RNF150: variants seen among roughly 807,000 people sequenced by gnomAD.
RNF150 encodes ring finger protein 150.
A neutral mutation model predicts 39.3 loss-of-function variants in RNF150; 24 were observed. The ratio of observed to expected loss-of-function variants is 0.61; its 90% CI spans 0.44 to 0.86. The LOEUF (loss-of-function observed/expected upper bound fraction) is 0.86, where lower values mean the gene tolerates loss of function less well. RNF150 is among the 40% of genes least tolerant of loss of function. The pLI, the probability that RNF150 is intolerant of heterozygous loss-of-function variation, is 0.00. For synonymous variants in RNF150, 255 were observed against 227.3 expected, an observed-to-expected ratio of 1.12 and a Z score of -1.10; for missense variants, 502 against 587.8, an observed-to-expected ratio of 0.85 and a Z score of 1.51.
chr4:141,041,625 G>A (rs553242141), intron 1 of RNF150, among the ~76,000 whole-genome samples: 63 of 152,102 alleles, frequency 4.1e-4, no homozygotes, highest in African/African-American at 1.5e-3. Flanking sequence ...TCTATGGGCT[G>A]TTTTGCCTAA....
At chr4:141,116,137 C>A (rs975778649) in intron 1 of RNF150, among the ~76,000 whole-genome samples, 17 of 152,114 alleles carry the variant, frequency 1.1e-4, no homozygotes, top group African/African-American at 4.1e-4. Context: ...CCAAAATTGA[C>A]AAATGGAATC....
At chr4:140,942,194 A>G (rs12641734) in intron 4 of RNF150, among the ~76,000 whole-genome samples, 6,412 of 152,272 alleles carry the variant, frequency 0.042, 386 homozygotes, top group East Asian at 0.33. Context: ...AAAAACAAAC[A>G]TCACACATGC....
rs531080573 is a variant in RNF150, at chr4:141,185,161, G to T, written c.-6+27633C>A. Among the ~76,000 whole-genome samples, 4 of 152,272 alleles carry T rather than the reference G, an allele frequency of 2.6e-5. No individual in the cohort carries two copies. In the East Asian group the frequency reaches 7.7e-4, roughly 29 times the overall value. Reference sequence around the variant, plus strand: ...TGATATGGATTCTTCCTGTCCATGAGCATGGAATGTTTTTCCACTTGTTTG... The same window carrying T: ...TGATATGGATTCTTCCTGTCCATGATCATGGAATGTTTTTCCACTTGTTTG... On this transcript the variant is annotated intron_variant, in intron 1 of 7. Transcript: ENST00000420921.
chr4:140,988,248 C>T (rs1015521431), intron 1 of RNF150, among the ~76,000 whole-genome samples: 1 of 152,148 alleles, frequency 6.6e-6, no homozygotes, highest in Admixed American at 6.6e-5. Context: ...AATCCAATTA[C>T]TGGGTATACC....
At chr4:141,162,521 G>A (rs758417166) in intron 1 of RNF150, among the ~76,000 whole-genome samples, 1 of 152,080 alleles carries the variant, frequency 6.6e-6, no homozygotes, top group Non-Finnish European at 1.5e-5. Context: ...TGGCAAGATG[G>A]CTGAATAGGA....
At chr4:140,973,603 A>G (rs1257465825) in intron 1 of RNF150, among the ~76,000 whole-genome samples, 4 of 152,184 alleles carry the variant, frequency 2.6e-5, no homozygotes, top group East Asian at 1.9e-4. Context: ...CATGCCGGGC[A>G]TGGTGGCTCA....
upstream of RNF150, among the ~76,000 whole-genome samples, chr4:141,135,333 G>A (rs1727012278): frequency 1.3e-5 from 2 of 152,178 alleles, no homozygotes; most frequent in South Asian, 4.1e-4. Flanking sequence ...TTTCTAAATA[G>A]CATCCTCCAC....
At chr4:141,154,210 A>C (rs1727346114) in intron 1 of RNF150, among the ~76,000 whole-genome samples, 1 of 152,232 alleles carries the variant, frequency 6.6e-6, no homozygotes. Flanking sequence ...GACATAAAGC[A>C]GAAAGACTCT....
chr4:141,125,618 G>C (rs1041459747), intron 1 of RNF150, among the ~76,000 whole-genome samples: 1 of 152,118 alleles, frequency 6.6e-6, no homozygotes, highest in African/African-American at 2.4e-5. Context: ...TAATGGTTAA[G>C]CAACAATAAC....
At chr4:141,137,513 T>C (rs1578761848), upstream of RNF150, among the ~76,000 whole-genome samples, 1 of 152,276 alleles carries the variant, frequency 6.6e-6, no homozygotes, top group East Asian at 1.9e-4. Flanking sequence ...ACACTACAGT[T>C]TGGAGCCTAA....
At chr4:141,066,651 G>A (rs1737473587) in intron 1 of RNF150, among the ~76,000 whole-genome samples, 1 of 152,104 alleles carries the variant, frequency 6.6e-6, no homozygotes, top group African/African-American at 2.4e-5. Flanking sequence ...TTTTTGCAAA[G>A]CATATTTTCC....
At chr4:141,175,846 TGACA>T (rs1727800176) in intron 1 of RNF150, among the ~76,000 whole-genome samples, 2 of 152,182 alleles carry the variant, frequency 1.3e-5, no homozygotes, top group Admixed American at 6.6e-5. Context: ...TATACTCTTG[TGACA>T]GACAGCAGAG....
intron 1 of RNF150, among the ~76,000 whole-genome samples, chr4:140,995,649 T>C: frequency 6.6e-6 from 1 of 152,170 alleles, no homozygotes; most frequent in South Asian, 2.1e-4. Flanking sequence ...TCTGGAGTTG[T>C]GTCCCGCCTC....
chr4:140,906,657 T>C (rs1194068992), intron 6 of RNF150, among the ~76,000 whole-genome samples: 2 of 152,200 alleles, frequency 1.3e-5, no homozygotes, highest in East Asian at 3.9e-4. Context: ...GGCCAAGTTT[T>C]TGCCTTTACA....
intron 1 of RNF150, among the ~76,000 whole-genome samples, chr4:141,114,611 G>GT (rs1321547601): frequency 2.6e-5 from 4 of 151,992 alleles, no homozygotes; most frequent in South Asian, 2.1e-4. Flanking sequence ...TGAAACTATC[G>GT]TAAGAAATAG....
chr4:140,914,499 A>T (rs1490956806), intron 5 of RNF150, among the ~76,000 whole-genome samples: 2 of 152,258 alleles, frequency 1.3e-5, no homozygotes, highest in Non-Finnish European at 2.9e-5. Flanking sequence ...TTGTGAATAC[A>T]CCAGGTATAC....
chr4:141,011,678 C>T (rs1735080554), intron 1 of RNF150, among the ~76,000 whole-genome samples: 1 of 152,206 alleles, frequency 6.6e-6, no homozygotes, highest in Non-Finnish European at 1.5e-5. Context: ...TGTAAAAAAA[C>T]TTGGCACAGT....
chr4:140,971,637 C>T (rs372962360), intron 1 of RNF150, among the ~76,000 whole-genome samples: 6 of 152,068 alleles, frequency 3.9e-5, no homozygotes, highest in Admixed American at 1.3e-4. Context: ...GGCTGCCAGA[C>T]GACAGCAGAG....
intron 2 of RNF150, among the ~76,000 whole-genome samples, chr4:140,955,160 T>G (rs904768679): frequency 1.3e-5 from 2 of 152,214 alleles, no homozygotes; most frequent in East Asian, 3.8e-4. Flanking sequence ...CTGGTTGATA[T>G]GATAGAAGTC....
Sources: allele counts gnomAD v4.1 joint callset (sites outside exome capture counted in the v4.1 genomes callset), GRCh38; gene constraint gnomAD v4.1.1; transcripts MANE v1.5; gene names NCBI Gene and HGNC (gene_info 2026-07-23, HGNC 2026-07-21).